The following APP variants were observed in gnomAD, a reference collection of about 807,000 sequenced individuals.
APP encodes the protein amyloid-beta precursor protein.
A neutral mutation model predicts 101.4 loss-of-function variants in APP; 31 were observed. The observed-to-expected ratio is 0.31, with a 90% CI of 0.23 to 0.41. APP has a LOEUF of 0.41. Among genes scored for constraint, APP ranks in the 10% least tolerant of loss-of-function variants. The probability of loss-of-function intolerance (pLI) is 1.00; values close to 1 mark genes in which losing one functional copy is unlikely to be tolerated. For synonymous variants in APP, 366 were observed against 364.4 expected, an observed-to-expected ratio of 1.00 and a Z score of -0.05; for missense variants, 839 against 1,003.7, an observed-to-expected ratio of 0.84 and a Z score of 2.22.
intron 1 of APP, among the ~76,000 whole-genome samples, chr21:26,138,753 T>C (rs1014857156): frequency 1.3e-5 from 2 of 152,112 alleles, no homozygotes; most frequent in Non-Finnish European, 2.9e-5. Context: ...AAATATTCTG[T>C]TGGTGGATAG....
chr21:25,885,222 CTA>C (rs1375465714), intron 17 of APP, among the ~76,000 whole-genome samples: 1 of 152,204 alleles, frequency 6.6e-6, no homozygotes, highest in Non-Finnish European at 1.5e-5. Context: ...GTACTCATGT[CTA>C]TGGATAAAGG....
chr21:26,130,823 T>C (rs2062778942), intron 1 of APP, among the ~76,000 whole-genome samples: 1 of 152,198 alleles, frequency 6.6e-6, no homozygotes, highest in African/African-American at 2.4e-5. Flanking sequence ...CCTTCCTTAC[T>C]ATCACAGAAA....
At chr21:26,056,372 A>G (rs2046042702) in intron 3 of APP, among the ~76,000 whole-genome samples, 1 of 152,220 alleles carries the variant, frequency 6.6e-6, no homozygotes, top group African/African-American at 2.4e-5. Context: ...TTGGTAAACA[A>G]GCTTTTCTTA....
At chr21:26,170,119 G>A (rs537259132) in intron 1 of APP, among the ~76,000 whole-genome samples, 3 of 152,306 alleles carry the variant, frequency 2.0e-5, no homozygotes, top group Admixed American at 6.5e-5. Flanking sequence ...TCCTCCCCAG[G>A]GCCCAAGAGA....
Position 25,951,745 on chromosome 21 carries a change from T to C in APP, c.1687+2845A>G, listed in dbSNP as rs150333894. ...AAGCTAAAAGCAACACTTTTTATTA[T>C]GAGAAATTTTAAACACATACAAAAG... On this transcript the variant is annotated intron_variant, in intron 13 of 17. Transcript: ENST00000346798. Among the ~76,000 whole-genome samples the C allele has an allele frequency of 2.6e-5, 4 of 152,354 alleles. No homozygotes were observed. The East Asian group carries it at 5.8e-4, about 22-fold the overall frequency.
chr21:25,976,941 C>T lies in APP; in HGVS notation c.1225-913G>A, dbSNP rs11087986. On this transcript the variant is annotated intron_variant, in intron 9 of 17. Transcript: ENST00000346798. ...CTCCTCTTGCCCTTCTTCCTTCCAC[C>T]ATATATGATACAGCAAGGAAGTCCT... Among the ~76,000 whole-genome samples, 9 of 152,240 alleles carry T rather than the reference C, an allele frequency of 5.9e-5. No individual in the cohort carries two copies. In the East Asian group the frequency reaches 1.5e-3, roughly 26 times the overall value.
intron 3 of APP, among the ~76,000 whole-genome samples, chr21:26,085,123 C>T (rs995559349): frequency 6.6e-6 from 1 of 152,050 alleles, no homozygotes; most frequent in African/African-American, 2.4e-5. Flanking sequence ...ATTTCTTTTC[C>T]GGACATGTTT....
At chr21:26,121,990 G>A (rs1002991318) in intron 1 of APP, among the ~76,000 whole-genome samples, 13 of 152,220 alleles carry the variant, frequency 8.5e-5, no homozygotes, top group Admixed American at 6.5e-5. Flanking sequence ...TCCAGAAGAG[G>A]TAGTGGGTCT....
chr21:26,005,741 TCTTC>T (rs1329687848), intron 6 of APP, among the ~76,000 whole-genome samples: 4 of 152,220 alleles, frequency 2.6e-5, no homozygotes, highest in African/African-American at 4.8e-5. Context: ...TAGCATAATT[TCTTC>T]CTTCCTAATC....
rs373234317 is a variant in APP, at chr21:26,000,032, G to A, written c.1016C>T (p.Ala339Val). The stretch of plus-strand genomic sequence containing the variant: ...CCACTTACTGGCGCTGCCACACACG[G>A]CCATGCAGTACTCTTCTGTGTCAAA... ...NNFDTEEYCM[A>V]VCGSAMSQSL... The change falls in exon 7 of 18, where the codon GCC (alanine) becomes GTC (valine). Residue 339 changes from alanine to valine, a missense_variant. Physicochemically the swap from Ala to Val is moderately conservative, Grantham distance 64. Coordinates refer to ENST00000346798, the MANE Select transcript of APP (RefSeq NM_000484.4). 59 of 1,614,058 alleles carry A rather than the reference G, an allele frequency of 3.7e-5. No homozygotes were observed. Among genetic ancestry groups the A allele is most frequent in the Non-Finnish European group, 4.7e-5 (55 of 1,179,998 alleles).
At chr21:26,156,763 C>T (rs1212999897) in intron 1 of APP, among the ~76,000 whole-genome samples, 1 of 151,824 alleles carries the variant, frequency 6.6e-6, no homozygotes, top group African/African-American at 2.4e-5. Context: ...AACTATATGA[C>T]TATTAGAAAA....
chr21:26,012,990 A>T, intron 6 of APP, among the ~76,000 whole-genome samples: 1 of 8,432 alleles, frequency 1.2e-4, no homozygotes, highest in South Asian at 6.0e-3. Flanking sequence ...AAACAAAACA[A>T]AACAAAACAA....
At chr21:26,107,872 T>A (rs2062220291) in intron 2 of APP, among the ~76,000 whole-genome samples, 1 of 152,198 alleles carries the variant, frequency 6.6e-6, no homozygotes, top group African/African-American at 2.4e-5. Context: ...ACCCTTAGTA[T>A]CCAAAGACAT....
intron 3 of APP, among the ~76,000 whole-genome samples, chr21:26,073,737 A>C (rs1327820206): frequency 6.6e-6 from 1 of 152,196 alleles, no homozygotes; most frequent in Non-Finnish European, 1.5e-5. Context: ...GATCAGATAC[A>C]ATGAGAGTAA....
chr21:26,148,845 T>C (rs900171150), intron 1 of APP, among the ~76,000 whole-genome samples: 1 of 152,242 alleles, frequency 6.6e-6, no homozygotes, highest in African/African-American at 2.4e-5. Flanking sequence ...AGCAATCTAT[T>C]TAGATACTTT....
intron 15 of APP, among the ~76,000 whole-genome samples, chr21:25,901,756 CATG>C (rs954861421): frequency 6.6e-6 from 1 of 152,128 alleles, no homozygotes; most frequent in African/African-American, 2.4e-5. Flanking sequence ...TCCTGTAAGT[CATG>C]ATGAGTGGAC....
chr21:25,937,074 A>C (rs1569079094), intron 13 of APP, among the ~76,000 whole-genome samples: 1 of 152,022 alleles, frequency 6.6e-6, no homozygotes, highest in Non-Finnish European at 1.5e-5. Context: ...CTTTTTCTTT[A>C]CTTGACCATT....
At chr21:26,065,216 C>T (rs183893818) in intron 3 of APP, among the ~76,000 whole-genome samples, 39 of 152,292 alleles carry the variant, frequency 2.6e-4, no homozygotes, top group African/African-American at 7.9e-4. Context: ...GGATCATTGT[C>T]AGGGCATGTT....
chr21:25,954,762 CT>C (rs373564278), intron 12 of APP, 73 bp from the exon 13 acceptor site: 5,432 of 1,122,600 alleles, frequency 4.8e-3, no homozygotes, highest in Non-Finnish European at 5.3e-3. Flanking sequence ...TTCTTTTTTT[CT>C]TTTTTTTTTG....
Sources: allele counts gnomAD v4.1 joint callset (sites outside exome capture counted in the v4.1 genomes callset), GRCh38; gene constraint gnomAD v4.1.1; transcripts MANE v1.5; gene names NCBI Gene and HGNC (gene_info 2026-07-23, HGNC 2026-07-21).